LRP4: variants seen among roughly 807,000 people sequenced by gnomAD.
LRP4 encodes the protein LDL receptor related protein 4.
In LRP4, 95 loss-of-function variants were observed where a neutral mutation model predicts 220.3. That is an observed-to-expected ratio of 0.43 (90% CI 0.37 to 0.51). The LOEUF is 0.51. Among genes scored for constraint, LRP4 ranks in the 20% least tolerant of loss-of-function variants. The pLI, the probability that LRP4 is intolerant of heterozygous loss-of-function variation, is 0.00. For missense variants in LRP4, 1,925 were observed against 2,567.0 expected (o/e 0.75, Z 5.40); for synonymous variants, 903 against 954.6 (o/e 0.95, Z 1.00).
intron 1 of LRP4, among the ~76,000 whole-genome samples, chr11:46,906,289 C>A (rs1941757947): frequency 6.6e-6 from 1 of 152,078 alleles, no homozygotes; most frequent in Non-Finnish European, 1.5e-5. Context: ...AAACCTGTCT[C>A]TACTAAAAAT....
rs746213755 is a variant in LRP4, at chr11:46,867,948, G to A, written c.5087+31C>T. On this transcript the variant is annotated intron_variant, in intron 34 of 37. Coordinates refer to ENST00000378623, the MANE Select transcript of LRP4 (RefSeq NM_002334.4). ...TCATGGGATGGTGATTTGAATCAAA[G>A]GGCCCATGATCCTGCATTGAACCTA... The A allele has an allele frequency of 2.5e-6, 4 of 1,613,958 alleles. No individual in the cohort carries two copies. In the South Asian group the frequency reaches 4.4e-5, roughly 18 times the overall value.
At chr11:46,903,031 TGGAGAGTCACA>T in intron 1 of LRP4, 102 bp from the exon 2 acceptor site, 1 of 1,410,448 alleles carries the variant, frequency 7.1e-7, no homozygotes, top group Non-Finnish European at 9.9e-7. Context: ...CACTGTCACC[TGGAGAGTCACA>T]GTGACACTTC....
In LRP4 at chr11:46,881,817, G is replaced by A. The variant is rs1226237597; in HGVS notation, c.2699C>T (p.Ser900Phe). ...TAACCCATTAGGCCAGGTCAGATTAGAAGAGATAATGACTTGGCGGCCTGA... is the reference window on the plus strand; with the variant it reads ...TAACCCATTAGGCCAGGTCAGATTAAAAGAGATAATGACTTGGCGGCCTGA... ...DASGRQVIIS[S>F]NLTWPNGLAI... Residue 900 changes from serine (S) to phenylalanine (F), a missense_variant, in exon 20 of 38, where the codon TCT becomes TTT. Ser to Phe is a radical substitution (Grantham distance 155, BLOSUM62 -2). Coordinates refer to ENST00000378623, the MANE Select transcript of LRP4 (RefSeq NM_002334.4). The A allele has an allele frequency of 1.2e-6, 2 of 1,614,106 alleles. No homozygotes were observed. Among genetic ancestry groups the A allele is most frequent in the Admixed American group, 1.7e-5 (1 of 60,008 alleles).
chr11:46,870,684 A>C (rs1940839013), intron 31 of LRP4, among the ~76,000 whole-genome samples: 1 of 152,206 alleles, frequency 6.6e-6, no homozygotes, highest in Non-Finnish European at 1.5e-5. Flanking sequence ...CCTCAGCCAG[A>C]GTGCTGTGAT....
chr11:46,868,764 A>G, intron 32 of LRP4, 51 bp from the exon 33 acceptor site: 1 of 1,407,944 alleles, frequency 7.1e-7, no homozygotes, highest in Non-Finnish European at 1.0e-6. Flanking sequence ...CAGGTCTCCC[A>G]ATTTAAGGCT....
In LRP4 at chr11:46,876,754, G is replaced by A. The variant is rs1941031771; in HGVS notation, c.3354C>T (p.Ile1118=). 1.2e-6 allele frequency: 2 copies of A among 1,614,038 alleles called. No homozygotes were observed. Among genetic ancestry groups the A allele is most frequent in the Non-Finnish European group, 1.7e-6 (2 of 1,180,038 alleles). The part of the protein sequence containing the change: ...ANLDGSQHED[I]ITTGLQTTDG... ...AGGAGGAAGGCCCACCTGTGGTGATGATGTCCTCATGCTGTGAGCCATCCA... is the reference window on the plus strand; with the variant it reads ...AGGAGGAAGGCCCACCTGTGGTGATAATGTCCTCATGCTGTGAGCCATCCA... Residue 1118 remains isoleucine, a synonymous_variant, in exon 24 of 38, where the codon ATC becomes ATT. Coordinates refer to ENST00000378623, the MANE Select transcript of LRP4 (RefSeq NM_002334.4).
rs1189743163 is a variant in LRP4 at position 46,875,948 on chromosome 11, G to C, written c.3555C>G (p.Asp1185Glu). The change falls in exon 26 of 38, where the codon GAC (aspartate) becomes GAG (glutamate). Residue 1185 changes from aspartate to glutamate, a missense_variant. Coordinates refer to ENST00000378623, the MANE Select transcript of LRP4 (RefSeq NM_002334.4). The surrounding 1 kb of genome is among the most constrained non-coding windows in gnomAD (Gnocchi z 4.5). ...GCTCTAACTTGGCATTCTCCCCCCA[G>C]TCTGTCCAGTACATAAACCTGAGTG... ...YHEMGFMYWT[D>E]WGENAKLERS... 4 of 1,613,998 alleles carry C rather than the reference G, an allele frequency of 2.5e-6. No individual in the cohort carries two copies. Among genetic ancestry groups the C allele is most frequent in the Admixed American group, 1.7e-5 (1 of 59,994 alleles).
chr11:46,905,326 G>C (rs1381965161), intron 1 of LRP4, among the ~76,000 whole-genome samples: 1 of 152,132 alleles, frequency 6.6e-6, no homozygotes, highest in Non-Finnish European at 1.5e-5. Flanking sequence ...TAGCTGGATT[G>C]AACAGCAAAG....
In LRP4 at chr11:46,899,556, C is replaced by T. The variant is rs758611098; in HGVS notation, c.431-53G>A. The T allele has an allele frequency of 1.6e-6, 2 of 1,228,316 alleles. No individual in the cohort carries two copies. The highest frequency in any genetic ancestry group is 4.6e-5 in the East Asian group (2 of 43,224). 76.1% of individuals were successfully genotyped at this position (1,228,316 alleles called of 1,614,324 possible). ...CTGAGGGGGCCCCACAGGCAACCCTCTCACCCTCCTCTCTGACTCCCAACC... is the reference window on the plus strand; with the variant it reads ...CTGAGGGGGCCCCACAGGCAACCCTTTCACCCTCCTCTCTGACTCCCAACC... On this transcript the variant is annotated intron_variant, in intron 4 of 37. Coordinates refer to ENST00000378623, the MANE Select transcript of LRP4 (RefSeq NM_002334.4). The surrounding 1 kb of genome is among the most constrained non-coding windows in gnomAD (Gnocchi z 5.9).
In LRP4 at chr11:46,875,457, T is replaced by C; in HGVS notation, c.3924A>G (p.Leu1308=). ...CAGCCCCAGCCCTCTGACTCTCACC[T>C]AGTGGCTGTGCCCGGTCCACAGCCT... The part of the protein sequence containing the change: ...DMQAVDRAQP[L]GFNKCGSRNG... Residue 1308 remains leucine (L), a splice_region_variant and synonymous_variant, in exon 27 of 38, where the codon CTA becomes CTG. Coordinates refer to ENST00000378623, the MANE Select transcript of LRP4 (RefSeq NM_002334.4). The surrounding 1 kb of genome is among the most constrained non-coding windows in gnomAD (Gnocchi z 4.5). 1 of 1,613,778 alleles carries C rather than the reference T, an allele frequency of 6.2e-7. No homozygotes were observed. The highest frequency in any genetic ancestry group is 8.5e-7 in the Non-Finnish European group (1 of 1,179,804).
intron 20 of LRP4, 89 bp from the exon 21 acceptor site, chr11:46,879,404 C>T (rs911213837): frequency 5.2e-6 from 7 of 1,352,768 alleles, no homozygotes; most frequent in African/African-American, 2.9e-5. Flanking sequence ...CAGAAAGCAG[C>T]TCTCCCACTA....
rs1445942765 is a variant in LRP4 at position 46,884,418 on chromosome 11, A to G, written c.2507-442T>C. On this transcript the variant is annotated intron_variant, in intron 18 of 37. Transcript: ENST00000378623. ...GGAGTTCAAGACCAGCCTGACCAACATGGTAAAACCCCGTCTCTACTAAAA... is the reference window on the plus strand; with the variant it reads ...GGAGTTCAAGACCAGCCTGACCAACGTGGTAAAACCCCGTCTCTACTAAAA... 2.6e-5 allele frequency among the ~76,000 whole-genome samples: 4 copies of G among 151,962 alleles called. No individual in the cohort carries two copies. In the East Asian group the frequency reaches 5.8e-4, roughly 22 times the overall value.
In LRP4 at chr11:46,870,248, G is replaced by A. The variant is rs754696011; in HGVS notation, c.4693-1116C>T. On this transcript the variant is annotated intron_variant, in intron 31 of 37. Coordinates refer to ENST00000378623, the MANE Select transcript of LRP4 (RefSeq NM_002334.4). ...CACACCACCGCACTCCAGCCTGGGCGACACAGCAAGACTCCATCTTAAAAA... is the reference window on the plus strand; with the variant it reads ...CACACCACCGCACTCCAGCCTGGGCAACACAGCAAGACTCCATCTTAAAAA... Among the ~76,000 whole-genome samples the A allele has an allele frequency of 3.3e-5, 5 of 152,030 alleles. 1 individual carries two copies. Among genetic ancestry groups the A allele is most frequent in the South Asian group, 4.1e-4 (2 of 4,826 alleles).
chr11:46,878,970 C>T lies in LRP4; in HGVS notation c.3073G>A (p.Gly1025Arg), dbSNP rs141565454. 1.7e-5 allele frequency: 28 copies of T among 1,614,212 alleles called. No individual in the cohort carries two copies. The highest frequency in any genetic ancestry group is 2.2e-5 in the East Asian group (1 of 44,882). The change falls in exon 22 of 38, where the codon GGA becomes AGA. Residue 1025 changes from glycine to arginine, a missense_variant. Transcript: ENST00000378623. ...CCTGTGGGGCAGGTACAGCTGAATC[C>T]GCTTGGATTTGGGGACCTAAGACAC... is the stretch of plus-strand genomic sequence containing the variant. ...HLCLRSPNPSGFSCTCPTGIN... is the reference protein window; with the variant it reads ...HLCLRSPNPSRFSCTCPTGIN...
chr11:46,918,242 C>A lies in LRP4; in HGVS notation c.52+86G>T, dbSNP rs981636747. On this transcript the variant is annotated intron_variant, in intron 1 of 37. Transcript: ENST00000378623. This position sits in a 1 kb window ranked among gnomAD's most constrained non-coding sequence, Gnocchi z 6.0. ...AGGAGCGAGGGCGAGGGGTCTCAGG[C>A]CCCGGCCCGCGCCGTCCAGGTCCCG... 2.1e-6 allele frequency: 3 copies of A among 1,403,178 alleles called. No individual in the cohort carries two copies. The highest frequency in any genetic ancestry group is 2.9e-6 in the Non-Finnish European group (3 of 1,042,232). 86.9% of individuals were successfully genotyped at this position (1,403,178 alleles called of 1,614,324 possible).
rs113057459 is a variant in LRP4, at chr11:46,862,702, G to A, written c.5289C>T (p.Thr1763=). 1.9e-6 allele frequency: 3 copies of A among 1,613,788 alleles called. No homozygotes were observed. Among genetic ancestry groups the A allele is most frequent in the Middle Eastern group, 1.6e-4 (1 of 6,062 alleles). The change falls in exon 37 of 38, where the codon ACC becomes ACT. Residue 1763 remains threonine (T), a synonymous_variant. Transcript: ENST00000378623. The part of the protein sequence containing the change: ...KFTDPGMGNL[T]YSNPSYRTST... Reference sequence around the variant, plus strand: ...ATGTTCGGTAGGAGGGGTTGCTGTAGGTGAGGTTCCCCATTCCAGGATCAG... The same window carrying A: ...ATGTTCGGTAGGAGGGGTTGCTGTAAGTGAGGTTCCCCATTCCAGGATCAG...
rs2306029 is a variant in LRP4, at chr11:46,871,557, T to C, written c.4660A>G (p.Ser1554Gly). The C allele has an allele frequency of 0.51, 825,280 of 1,610,966 alleles. 218,679 individuals are homozygous for C. Among genetic ancestry groups the C allele is most frequent in the Non-Finnish European group, 0.54 (639,706 of 1,178,096 alleles). Residue 1554 changes from serine (S) to glycine (G), a missense_variant, in exon 31 of 38, where the codon AGC becomes GGC. Transcript: ENST00000378623. ...AGGGCAAAGGGGTGGGACACATGGC[T>C]GACCAAGACCTGCCGCAGTTTCCCA... is the stretch of plus-strand genomic sequence containing the variant. ...LNGKLRQVLVSHVSHPFALTQ... is the reference protein window; with the variant it reads ...LNGKLRQVLVGHVSHPFALTQ...
At chr11:46,916,500 G>A (rs917320972) in intron 1 of LRP4, among the ~76,000 whole-genome samples, 1 of 152,126 alleles carries the variant, frequency 6.6e-6, no homozygotes, top group Admixed American at 6.5e-5. Context: ...TTCTTTTTCT[G>A]TGAAACATTA....
At chr11:46,909,022 T>C (rs921616297) in intron 1 of LRP4, among the ~76,000 whole-genome samples, 2 of 152,172 alleles carry the variant, frequency 1.3e-5, no homozygotes, top group African/African-American at 4.8e-5. Context: ...CTTAAACTAG[T>C]ATTCTTCTCT....
Sources: allele counts gnomAD v4.1 joint callset (sites outside exome capture counted in the v4.1 genomes callset), GRCh38; gene constraint gnomAD v4.1.1; non-coding constraint Gnocchi (gnomAD v3.1); transcripts MANE v1.5; gene names NCBI Gene and HGNC (gene_info 2026-07-23, HGNC 2026-07-21).